AUTS2: variants seen among roughly 807,000 people sequenced by gnomAD.
AUTS2 encodes the protein autism susceptibility gene 2 protein.
Under a neutral mutation model 112.4 loss-of-function variants are expected in AUTS2, and 17 were observed. The ratio of observed to expected loss-of-function variants is 0.15; its 90% CI spans 0.10 to 0.23. AUTS2 has a LOEUF of 0.23. Ranked by LOEUF, AUTS2 falls within the 10% of genes least tolerant of loss-of-function variation. AUTS2 has a pLI of 1.00. For missense variants in AUTS2, 1,510 were observed against 1,701.6 expected (o/e 0.89, Z 1.98); for synonymous variants, 751 against 702.7 (o/e 1.07, Z -1.09).
chr7:69,889,137 C>A lies in AUTS2; in HGVS notation c.310-10149C>A, dbSNP rs1188285011. 2.0e-5 allele frequency among the ~76,000 whole-genome samples: 3 copies of A among 152,250 alleles called. No homozygotes were observed. The East Asian group carries it at 5.8e-4, about 29-fold the overall frequency. ...GGGTTCTCAAACTCCTGGGCTCAAG[C>A]AGTTGTCTAGCCTCAGTCTCCCAAG... is the stretch of plus-strand genomic sequence containing the variant. On this transcript the variant is annotated intron_variant, in intron 1 of 18. Transcript: ENST00000342771.
At chr7:70,776,053 G>C (rs79740378) in intron 13 of AUTS2, among the ~76,000 whole-genome samples, 1 of 152,182 alleles carries the variant, frequency 6.6e-6, no homozygotes, top group Non-Finnish European at 1.5e-5. Flanking sequence ...GGGGAAAAAG[G>C]AGAATTGTGT....
intron 2 of AUTS2, among the ~76,000 whole-genome samples, chr7:70,117,104 G>GTTTTGTTTTTTTTTTTTTTTTTTTTT (rs1562710088): frequency 2.5e-5 from 2 of 78,460 alleles, no homozygotes; most frequent in African/African-American, 4.8e-5. Context: ...GATGACTTTT[G>GTTTTGTTTTTTTTTTTTTTTTTTTTT]TTTTTTTTTT....
At chr7:70,099,666 G>T (rs934279397) in intron 2 of AUTS2, among the ~76,000 whole-genome samples, 2 of 152,102 alleles carry the variant, frequency 1.3e-5, no homozygotes, top group Admixed American at 1.3e-4. Context: ...GACACGTTAT[G>T]CCTCAACTAC....
intron 4 of AUTS2, among the ~76,000 whole-genome samples, chr7:70,310,541 A>T (rs1197990735): frequency 6.6e-6 from 1 of 151,688 alleles, no homozygotes; most frequent in East Asian, 1.9e-4. Flanking sequence ...TGAACCCAGG[A>T]GGCGGAGCTT....
In AUTS2 at chr7:70,698,569, G is replaced by A; in HGVS notation, c.691G>A (p.Ala231Thr). 1 of 1,603,954 alleles carries A rather than the reference G, an allele frequency of 6.2e-7. No individual in the cohort carries two copies. Among genetic ancestry groups the A allele is most frequent in the Non-Finnish European group, 8.5e-7 (1 of 1,175,028 alleles). Residue 231 changes from alanine (A) to threonine (T), a missense_variant and splice_region_variant, in exon 6 of 19, where the codon GCA becomes ACA. Physicochemically the swap from Ala to Thr is moderately conservative, Grantham distance 58 (BLOSUM62 0). Coordinates refer to ENST00000342771, the MANE Select transcript of AUTS2 (RefSeq NM_015570.4). ...TTTTTTCCCCCTTCTTGTTTTTCAG[G>A]CATCAGATGCCAGCTCTGAAAAACT... Reference protein sequence around the residue: ...CDSDSDQEEKASDASSEKLFN... With the variant: ...CDSDSDQEEKTSDASSEKLFN...
At chr7:70,208,888 A>G (rs1383843367) in intron 4 of AUTS2, among the ~76,000 whole-genome samples, 1 of 152,034 alleles carries the variant, frequency 6.6e-6, no homozygotes, top group African/African-American at 2.4e-5. Flanking sequence ...GTTCAAAGCA[A>G]GAGAGGAGAG....
Position 70,665,451 on chromosome 7 carries a change from C to CTATTTATCTATTTATT in AUTS2, c.691-33111_691-33110insCTATTTATTTATTTAT, listed in dbSNP as rs1554455006. On this transcript the variant is annotated intron_variant, in intron 5 of 18. Coordinates refer to ENST00000342771, the MANE Select transcript of AUTS2 (RefSeq NM_015570.4). Reference sequence around the variant, plus strand: ...GCTGTTTATTTATTTATCTATTTATCTATTTATTTATTTATTTATTTATTT... The same window carrying CTATTTATCTATTTATT: ...GCTGTTTATTTATTTATCTATTTATCTATTTATCTATTTATTTATTTATTTATTTATTTATTTATTT... Among the ~76,000 whole-genome samples the CTATTTATCTATTTATT allele has an allele frequency of 1.1e-3, 163 of 147,116 alleles. 3 individuals are homozygous for CTATTTATCTATTTATT. The highest frequency in any genetic ancestry group is 3.6e-3 in the African/African-American group (143 of 39,484).
chr7:69,949,281 G>C (rs200849434), intron 2 of AUTS2, among the ~76,000 whole-genome samples: 1 of 152,186 alleles, frequency 6.6e-6, no homozygotes, highest in South Asian at 2.1e-4. Context: ...TAGTTTCCCT[G>C]TTGTCTCATG....
chr7:70,661,024 A>G (rs1314730921), intron 5 of AUTS2, among the ~76,000 whole-genome samples: 3 of 151,848 alleles, frequency 2.0e-5, no homozygotes, highest in African/African-American at 2.4e-5. Context: ...TACCTTCTTT[A>G]TTCATTTGTT....
intron 2 of AUTS2, among the ~76,000 whole-genome samples, chr7:70,072,511 C>G (rs1025835749): frequency 1.3e-5 from 2 of 152,120 alleles, no homozygotes; most frequent in Admixed American, 1.3e-4. Flanking sequence ...TACATAGTCC[C>G]GAGGTTCAGC....
chr7:69,950,108 T>C (rs1056980956), intron 2 of AUTS2, among the ~76,000 whole-genome samples: 9 of 152,052 alleles, frequency 5.9e-5, no homozygotes, highest in African/African-American at 2.2e-4. Flanking sequence ...TTAGAACATA[T>C]ACTGTTTTTT....
At chr7:69,870,864 A>G (rs1286671322) in intron 1 of AUTS2, among the ~76,000 whole-genome samples, 1 of 152,150 alleles carries the variant, frequency 6.6e-6, no homozygotes, top group Non-Finnish European at 1.5e-5. Flanking sequence ...GAAAAATTCA[A>G]ATTTTAAATT....
intron 12 of AUTS2, chr7:70,775,073 T>G: frequency 2.2e-6 from 1 of 453,982 alleles, no homozygotes; most frequent in African/African-American, 2.0e-5. Context: ...AAACTCCTGG[T>G]GTGTGATGTG....
At chr7:70,266,055 A>G (rs1462843773) in intron 4 of AUTS2, among the ~76,000 whole-genome samples, 1 of 152,234 alleles carries the variant, frequency 6.6e-6, no homozygotes, top group Non-Finnish European at 1.5e-5. Flanking sequence ...CTATATACCC[A>G]AAAGAAAATA....
intron 2 of AUTS2, among the ~76,000 whole-genome samples, chr7:69,951,663 G>A (rs1193562399): frequency 6.6e-6 from 1 of 152,178 alleles, no homozygotes; most frequent in Non-Finnish European, 1.5e-5. Context: ...AGCCTCATCA[G>A]AAGAGGCGAT....
chr7:70,784,608 C>T (rs1791307678), intron 15 of AUTS2: 1 of 253,932 alleles, frequency 3.9e-6, no homozygotes, highest in Non-Finnish European at 7.4e-6. Flanking sequence ...AGCCTCCCCT[C>T]CTCCCATGAC....
intron 6 of AUTS2, among the ~76,000 whole-genome samples, chr7:70,723,933 C>T (rs1280354341): frequency 6.6e-6 from 1 of 152,050 alleles, no homozygotes; most frequent in Non-Finnish European, 1.5e-5. Flanking sequence ...GGGTCTGTCA[C>T]CCAGGCTGGA....
At chr7:69,934,289 A>G (rs1277765071) in intron 2 of AUTS2, among the ~76,000 whole-genome samples, 4 of 152,212 alleles carry the variant, frequency 2.6e-5, no homozygotes, top group African/African-American at 9.6e-5. Context: ...GTTAGAGTGC[A>G]GTAGAAAGAG....
At chr7:69,834,984 C>T (rs751636157) in intron 1 of AUTS2, among the ~76,000 whole-genome samples, 8 of 151,718 alleles carry the variant, frequency 5.3e-5, no homozygotes, top group Admixed American at 6.6e-5. Flanking sequence ...ATGCATCTGC[C>T]GCCTGTCTGC....
Sources: gnomAD v4.1 joint callset for allele counts (sites outside exome capture counted in the v4.1 genomes callset) on GRCh38, gnomAD v4.1.1 for gene constraint, MANE v1.5 for transcripts, NCBI Gene and HGNC (gene_info 2026-07-23, HGNC 2026-07-21) for gene names.